The following CDH19 variants were observed in gnomAD, a reference collection of about 807,000 sequenced individuals.
CDH19 encodes cadherin-19.
Under a neutral mutation model 64.2 loss-of-function variants are expected in CDH19, and 67 were observed. The ratio of observed to expected loss-of-function variants is 1.04; its 90% CI spans 0.86 to 1.28. The LOEUF is 1.28. Among genes scored for constraint, CDH19 ranks in the 50% most tolerant of loss-of-function variants. The pLI is 0.00. For missense variants in CDH19, 1,030 were observed against 929.0 expected (o/e 1.11, Z -1.41); for synonymous variants, 346 against 319.3 (o/e 1.08, Z -0.89).
chr18:66,509,214 C>G lies in CDH19; in HGVS notation c.1609G>C (p.Gly537Arg). The G allele has an allele frequency of 6.2e-7, 1 of 1,612,372 alleles. No individual in the cohort carries two copies. Among genetic ancestry groups the G allele is most frequent in the South Asian group, 1.1e-5 (1 of 91,052 alleles). ...NTAVILTNRT[G>R]FNLQEEPVFY... The stretch of plus-strand genomic sequence containing the variant: ...ACAGGTTCTTCTTGAAGGTTAAAAC[C>G]AGTTCTATTAGTCAAAATGACAGCT... Residue 537 changes from glycine (G) to arginine (R), a missense_variant, in exon 11 of 12, where the codon GGT (glycine) becomes CGT (arginine). Gly to Arg is a moderately radical substitution (Grantham distance 125). Transcript: ENST00000262150.
chr18:66,571,434 CA>C (rs1254389904), intron 2 of CDH19, among the ~76,000 whole-genome samples: 1 of 151,464 alleles, frequency 6.6e-6, no homozygotes, highest in Non-Finnish European at 1.5e-5. Flanking sequence ...TAAAGAAAAC[CA>C]AATAATAAAA....
chr18:66,588,614 C>CTATA (rs1321459056), intron 1 of CDH19, among the ~76,000 whole-genome samples: 9 of 113,666 alleles, frequency 7.9e-5, no homozygotes, highest in African/African-American at 2.5e-4. Context: ...TCATATATAT[C>CTATA]TATATCTATA....
intron 7 of CDH19, among the ~76,000 whole-genome samples, chr18:66,537,581 G>A (rs1262541469): frequency 1.3e-5 from 2 of 151,772 alleles, no homozygotes; most frequent in African/African-American, 2.4e-5. Context: ...AAAATGTTCT[G>A]GTTTCTCAAA....
At chr18:66,569,980 C>T (rs150448481) in intron 2 of CDH19, among the ~76,000 whole-genome samples, 85 of 151,466 alleles carry the variant, frequency 5.6e-4, no homozygotes, top group African/African-American at 1.9e-3. Flanking sequence ...AATAACATGC[C>T]GAATATCAAT....
In CDH19 at chr18:66,529,932, A is replaced by T. The variant is rs1221836523; in HGVS notation, c.1371T>A (p.Tyr457Ter). The change falls in exon 9 of 12, where the codon TAT (tyrosine) becomes TAA (stop). Residue 457 changes from tyrosine to a stop codon, truncating the protein, a stop_gained. Coordinates refer to ENST00000262150, the MANE Select transcript of CDH19 (RefSeq NM_021153.4). LOFTEE classifies it high-confidence loss of function. ...GATCATTGATGTTAAGAACTTGCAC[A>T]TACAGTGGGATCGAAGAGATCTGTT... ...NIEQISSIPL[Y>*]VQVLNINDHA... is the part of the protein sequence containing the mutation. The T allele has an allele frequency of 6.4e-7, 1 of 1,565,978 alleles. No individual in the cohort carries two copies. The highest frequency in any genetic ancestry group is 8.7e-7 in the Non-Finnish European group (1 of 1,143,488).
intron 8 of CDH19, among the ~76,000 whole-genome samples, chr18:66,534,010 T>A (rs918661720): frequency 6.6e-6 from 1 of 152,010 alleles, no homozygotes; most frequent in African/African-American, 2.4e-5. Context: ...TGATGTAGAA[T>A]TTTTTAAAAT....
Position 66,551,320 on chromosome 18 carries a change from T to C in CDH19, c.611-62A>G, listed in dbSNP as rs369238783. On this transcript the variant is annotated intron_variant, in intron 4 of 11. Transcript: ENST00000262150. ...TTAATCATGACAAAGTTCTAGTTAA[T>C]TTCTTAACCATTGCAGTATACATTA... 1.5e-5 allele frequency: 14 copies of C among 928,158 alleles called. No homozygotes were observed. In the East Asian group the frequency reaches 1.8e-4, roughly 12 times the overall value. 57.5% of individuals were successfully genotyped at this position (928,158 alleles called of 1,614,324 possible).
intron 7 of CDH19, among the ~76,000 whole-genome samples, chr18:66,535,484 A>G (rs1411091067): frequency 6.6e-6 from 1 of 151,230 alleles, no homozygotes; most frequent in African/African-American, 2.4e-5. Flanking sequence ...GATATTTAAC[A>G]AATGTTTTTG....
intron 1 of CDH19, among the ~76,000 whole-genome samples, chr18:66,593,809 A>T (rs1405530808): frequency 1.3e-5 from 2 of 152,158 alleles, no homozygotes; most frequent in Non-Finnish European, 2.9e-5. Context: ...AAACAGAAAT[A>T]ATGAATTGAA....
rs370883623 is a variant in CDH19 at position 66,509,601 on chromosome 18, C to T, written c.1577-355G>A. On this transcript the variant is annotated intron_variant, in intron 10 of 11. Transcript: ENST00000262150. Reference sequence around the variant, plus strand: ...GTCTTTGACACATATATAAAACATACGTGTAACACAGAAAATGGCTTTTTA... The same window carrying T: ...GTCTTTGACACATATATAAAACATATGTGTAACACAGAAAATGGCTTTTTA... Among the ~76,000 whole-genome samples, 8 of 151,600 alleles carry T rather than the reference C, an allele frequency of 5.3e-5. No individual in the cohort carries two copies. The South Asian group carries it at 8.3e-4, about 16-fold the overall frequency.
At chr18:66,551,886 G>A (rs1305809414) in intron 4 of CDH19, among the ~76,000 whole-genome samples, 1 of 151,876 alleles carries the variant, frequency 6.6e-6, no homozygotes, top group African/African-American at 2.4e-5. Flanking sequence ...AAAATCTTAA[G>A]ACAGGTTCAT....
intron 2 of CDH19, 64 bp downstream of exon 2, chr18:66,571,946 C>T (rs1262061390): frequency 2.4e-6 from 3 of 1,255,596 alleles, no homozygotes; most frequent in Non-Finnish European, 3.3e-6. Flanking sequence ...AATCTCCAAA[C>T]TTCTCCAACA....
At chr18:66,601,177 A>G (rs1168183010) in intron 1 of CDH19, among the ~76,000 whole-genome samples, 1 of 151,910 alleles carries the variant, frequency 6.6e-6, no homozygotes, top group Non-Finnish European at 1.5e-5. Context: ...CATCAAGGAA[A>G]GTCATATATT....
In CDH19 at chr18:66,532,782, G is replaced by C. The variant is rs1246501344; in HGVS notation, c.1336+2204C>G. On this transcript the variant is annotated intron_variant, in intron 8 of 11. Coordinates refer to ENST00000262150, the MANE Select transcript of CDH19 (RefSeq NM_021153.4). ...GTTCTAAGTTGTAGAACTACCTCTTGTCATAAAGACATGAAAAGTTAAGTT... is the reference window on the plus strand; with the variant it reads ...GTTCTAAGTTGTAGAACTACCTCTTCTCATAAAGACATGAAAAGTTAAGTT... 1.6e-5 allele frequency: 7 copies of C among 437,966 alleles called. No individual in the cohort carries two copies. The Admixed American group carries it at 1.8e-4, about 11-fold the overall frequency. The allele number at this position is 437,966 out of a possible 1,614,324, so 27.1% of individuals were successfully genotyped here.
chr18:66,542,758 G>T (rs1050209094), intron 7 of CDH19, among the ~76,000 whole-genome samples: 1 of 152,002 alleles, frequency 6.6e-6, no homozygotes, highest in Non-Finnish European at 1.5e-5. Flanking sequence ...TCATATCCAC[G>T]GCAGCATTAG....
chr18:66,577,461 A>T (rs1988299023), intron 1 of CDH19, among the ~76,000 whole-genome samples: 1 of 151,988 alleles, frequency 6.6e-6, no homozygotes, highest in Non-Finnish European at 1.5e-5. Context: ...AAAGTTCAAA[A>T]GGTGAATCAA....
rs76593285 is a variant in CDH19, at chr18:66,556,683, T to G, written c.491-2159A>C. Among the ~76,000 whole-genome samples, 1,296 of 151,988 alleles carry G rather than the reference T, an allele frequency of 8.5e-3. 30 individuals carry two copies. Among genetic ancestry groups the G allele is most frequent in the African/African-American group, 0.03 (1,230 of 41,508 alleles). ...TTATTCCTCTATCTGATAAGGGATTTATTTAAGAGAACTCATACAACTCAA... is the reference window on the plus strand; with the variant it reads ...TTATTCCTCTATCTGATAAGGGATTGATTTAAGAGAACTCATACAACTCAA... On this transcript the variant is annotated intron_variant, in intron 3 of 11. Transcript: ENST00000262150.
chr18:66,546,937 G>A (rs946918721), intron 5 of CDH19, among the ~76,000 whole-genome samples: 1 of 152,086 alleles, frequency 6.6e-6, no homozygotes, highest in African/African-American at 2.4e-5. Flanking sequence ...CTGGACAATG[G>A]CAGATTACTT....
intron 7 of CDH19, among the ~76,000 whole-genome samples, chr18:66,535,663 T>C (rs1218378147): frequency 6.8e-6 from 1 of 147,104 alleles, no homozygotes; most frequent in African/African-American, 2.5e-5. Context: ...ATATATGATA[T>C]ATATTTTACA....
Sources: gnomAD v4.1 joint callset for allele counts (sites outside exome capture counted in the v4.1 genomes callset) on GRCh38, gnomAD v4.1.1 for gene constraint, MANE v1.5 for transcripts, NCBI Gene and HGNC (gene_info 2026-07-23, HGNC 2026-07-21) for gene names.